PPFIA4: variants seen among roughly 807,000 people sequenced by gnomAD.
PPFIA4 encodes the protein PPFI scaffold protein A4.
In PPFIA4, 98 loss-of-function variants were observed where a neutral mutation model predicts 145.7. The ratio of observed to expected loss-of-function variants is 0.67; its 90% CI spans 0.57 to 0.80. The LOEUF (loss-of-function observed/expected upper bound fraction) is 0.80. Among genes scored for constraint, PPFIA4 ranks in the 30% least tolerant of loss-of-function variants. PPFIA4 has a pLI of 0.00. For missense variants in PPFIA4, 1,457 were observed against 1,632.7 expected (o/e 0.89, Z 1.85); for synonymous variants, 628 against 649.6 (o/e 0.97, Z 0.51).
intron 1 of PPFIA4, among the ~76,000 whole-genome samples, chr1:203,033,942 C>T (rs561853016): frequency 6.6e-6 from 1 of 152,296 alleles, no homozygotes; most frequent in Non-Finnish European, 1.5e-5. Context: ...TTTGGAGTTC[C>T]CCTTCTTTGA....
rs558908943 is a variant in PPFIA4 at position 203,061,581 on chromosome 1, GC to G, written c.2848-69del. 2.7e-4 allele frequency: 399 copies of G among 1,469,654 alleles called. 2 individuals are homozygous for G. Among genetic ancestry groups the G allele is most frequent in the Middle Eastern group, 2.4e-3 (11 of 4,672 alleles). The allele number at this position is 1,469,654 out of a possible 1,614,324, so 91.0% of individuals were successfully genotyped here. On this transcript the variant is annotated intron_variant, in intron 23 of 29. Transcript: ENST00000295706. ...ATGTCTTTTTCCTCTCCTTGATGGGGCCTAGGGTAGAGCTGATGGGTTTCTT... is the reference window on the plus strand; with the variant it reads ...ATGTCTTTTTCCTCTCCTTGATGGGGCTAGGGTAGAGCTGATGGGTTTCTT...
At chr1:203,049,157 G>C (rs1324844592) in intron 12 of PPFIA4, among the ~76,000 whole-genome samples, 177 bp downstream of exon 12, 3 of 152,210 alleles carry the variant, frequency 2.0e-5, no homozygotes, top group African/African-American at 7.2e-5. Context: ...GTGCATTACT[G>C]CCCACAGGGA....
At chr1:203,049,127 A>C in intron 12 of PPFIA4, 147 bp downstream of exon 12, 178 of 819,820 alleles carry the variant, frequency 2.2e-4, no homozygotes, top group Middle Eastern at 3.4e-4. Context: ...GTGATTTCTC[A>C]CTAGAGCCCA....
chr1:203,054,036 T>G, intron 15 of PPFIA4, 75 bp downstream of exon 15: 1 of 1,468,888 alleles, frequency 6.8e-7, no homozygotes, highest in Non-Finnish European at 9.2e-7. Context: ...AAACCCTATA[T>G]GGGTTTGCCC....
Position 203,055,479 on chromosome 1 carries a change from T to C in PPFIA4, c.1877T>C (p.Ile626Thr), listed in dbSNP as rs765361613. ...TCCACGGAGCTCCGCGCGGAGGAGA[T>C]TGAGACGCGTGTAACCAGTGGCAGC... Reference protein sequence around the residue: ...KESTELRAEEIETRVTSGSME... With the variant: ...KESTELRAEETETRVTSGSME... Residue 626 changes from isoleucine (I) to threonine (T), a missense_variant, in exon 16 of 30, where the codon ATT becomes ACT. Transcript: ENST00000295706. This position sits in a 1 kb window ranked among gnomAD's most constrained non-coding sequence, Gnocchi z 4.8. 3 of 1,613,834 alleles carry C rather than the reference T, an allele frequency of 1.9e-6. No individual in the cohort carries two copies. Among genetic ancestry groups the C allele is most frequent in the African/African-American group, 1.3e-5 (1 of 74,892 alleles).
Position 203,045,440 on chromosome 1 carries a change from G to A in PPFIA4, c.739G>A (p.Glu247Lys). The part of the protein sequence containing the change: ...KQNFELSQAR[E>K]RLVTLTTTVT... ...GAACTTTGAGTTGAGCCAGGCCCGG[G>A]AGCGACTGGTCACCCTAACAACAAC... is the stretch of plus-strand genomic sequence containing the variant. Residue 247 changes from glutamate to lysine, a missense_variant, in exon 7 of 30, where the codon GAG (glutamate) becomes AAG (lysine). Around this residue, in one of 3 missense-constraint regions of PPFIA4, gnomAD observed 463 missense variants for 459.8 expected, o/e 1.01. Coordinates refer to ENST00000295706, the MANE Select transcript of PPFIA4 (RefSeq NM_001304331.2). The A allele has an allele frequency of 6.2e-7, 1 of 1,609,878 alleles. No homozygotes were observed. The highest frequency in any genetic ancestry group is 8.5e-7 in the Non-Finnish European group (1 of 1,178,742).
chr1:203,064,941 G>A lies in PPFIA4; in HGVS notation c.3050+938G>A, dbSNP rs145328175. ...CCTTCTTAACATCCAGCTTCAAGTC[G>A]TGTGGGTGGCTCTTTGAGCCAAGTC... On this transcript the variant is annotated intron_variant, in intron 25 of 29. Transcript: ENST00000295706. 1.1e-4 allele frequency among the ~76,000 whole-genome samples: 17 copies of A among 152,364 alleles called. No individual in the cohort carries two copies. The East Asian group carries it at 1.5e-3, about 14-fold the overall frequency.
Position 203,075,667 on chromosome 1 carries a change from T to C in PPFIA4, c.3484T>C (p.Ser1162Pro). Reference sequence around the variant, plus strand: ...CGGTCGCGGCGGCATGCTCAGCGCTTCCGCGGAGACCCTCCCGGCGGGCTT... The same window carrying C: ...CGGTCGCGGCGGCATGCTCAGCGCTCCCGCGGAGACCCTCCCGGCGGGCTT... Reference protein sequence around the residue: ...HHGRGGMLSASAETLPAGFRV... With the variant: ...HHGRGGMLSAPAETLPAGFRV... The change falls in exon 29 of 30, where the codon TCC becomes CCC. Residue 1162 changes from serine to proline, a missense_variant. Around this residue, in one of 3 missense-constraint regions of PPFIA4, gnomAD observed 146 missense variants for 126.2 expected, o/e 1.16. Transcript: ENST00000295706. The surrounding 1 kb of genome is among the most constrained non-coding windows in gnomAD (Gnocchi z 4.1). The C allele has an allele frequency of 6.6e-7, 1 of 1,506,632 alleles. No individual in the cohort carries two copies. Among genetic ancestry groups the C allele is most frequent in the Non-Finnish European group, 8.9e-7 (1 of 1,125,972 alleles). 93.3% of individuals were successfully genotyped at this position (1,506,632 alleles called of 1,614,324 possible). A position where few individuals can be genotyped will look rare whatever the true frequency, so the allele number is the denominator to read the frequency against.
rs756751057 is a variant in PPFIA4, at chr1:203,053,935, G to C, written c.1803G>C (p.Gln601His). ...CCCTGGCCATGATGCTGCAGGAGCA[G>C]CTGGATGCCATCAATGAGGAAATCA... ...AQTLAMMLQE[Q>H]LDAINEEIRM... Residue 601 changes from glutamine (Q) to histidine (H), a missense_variant, in exon 15 of 30, where the codon CAG becomes CAC. This residue lies in a region of PPFIA4 where 848 missense variants were observed against 1,046.7 expected (regional missense o/e 0.81). Coordinates refer to ENST00000295706, the MANE Select transcript of PPFIA4 (RefSeq NM_001304331.2). 1.9e-6 allele frequency: 3 copies of C among 1,566,572 alleles called. No individual in the cohort carries two copies. Among genetic ancestry groups the C allele is most frequent in the Non-Finnish European group, 2.6e-6 (3 of 1,155,350 alleles).
chr1:203,059,833 T>C lies in PPFIA4; in HGVS notation c.2565T>C (p.Thr855=). 1.2e-6 allele frequency: 2 copies of C among 1,612,214 alleles called. No homozygotes were observed. Among genetic ancestry groups the C allele is most frequent in the Non-Finnish European group, 1.7e-6 (2 of 1,179,108 alleles). ...CCTTTGCCCAGTGGGATGGTCCTAC[T>C]GTGGTCTCCTGGTTGGAGGTAAGCC... ...GMPFAQWDGP[T]VVSWLELWVG... The change falls in exon 21 of 30, where the codon ACT becomes ACC. Residue 855 remains threonine (T), a synonymous_variant. Transcript: ENST00000295706.
chr1:203,032,430 T>TTGTTGTTGTTGTTGTTG (rs1571653652), intron 1 of PPFIA4, among the ~76,000 whole-genome samples: 13 of 139,448 alleles, frequency 9.3e-5, no homozygotes, highest in African/African-American at 3.2e-4. Flanking sequence ...TCCCCGCTTT[T>TTGTTGTTGTTGTTGTTG]TTGTTGTTGT....
In PPFIA4 at chr1:203,039,064, G is replaced by A. The variant is rs1292318200; in HGVS notation, c.56G>A (p.Gly19Asp). Residue 19 changes from glycine (G) to aspartate (D), a missense_variant, in exon 2 of 30, where the codon GGC becomes GAC. Physicochemically the swap from Gly to Asp is moderately conservative, Grantham distance 94 (BLOSUM62 -1). Transcript: ENST00000295706. ...NEGDRLGPPH[G>D]ADADANFEQL... ...GGGGACCGCCTGGGTCCCCCTCATGGCGCCGATGCTGACGCCAACTTCGAG... is the reference window on the plus strand; with the variant it reads ...GGGGACCGCCTGGGTCCCCCTCATGACGCCGATGCTGACGCCAACTTCGAG... 1.9e-6 allele frequency: 3 copies of A among 1,602,542 alleles called. No individual in the cohort carries two copies. The highest frequency in any genetic ancestry group is 1.1e-5 in the South Asian group (1 of 89,408).
chr1:203,051,298 G>A (rs993736445), intron 13 of PPFIA4: 3 of 986,898 alleles, frequency 3.0e-6, no homozygotes, highest in Non-Finnish European at 3.6e-6. Flanking sequence ...GGGGAGACCC[G>A]AGGAAAAGTG....
chr1:203,044,277 C>A, intron 4 of PPFIA4, 102 bp from the exon 5 acceptor site: 1 of 1,240,476 alleles, frequency 8.1e-7, no homozygotes, highest in Non-Finnish European at 1.1e-6. Flanking sequence ...GTAGGCCCTT[C>A]ACTGTCCTCA....
At chr1:203,031,212 C>G (rs1354547151) in intron 1 of PPFIA4, among the ~76,000 whole-genome samples, 2 of 152,152 alleles carry the variant, frequency 1.3e-5, no homozygotes, top group African/African-American at 4.8e-5. Flanking sequence ...TGCATGCCAC[C>G]ATGCCCAGCT....
At chr1:203,041,743 TTGG>T (rs1445017640) in intron 2 of PPFIA4, among the ~76,000 whole-genome samples, 1 of 152,026 alleles carries the variant, frequency 6.6e-6, no homozygotes, top group Admixed American at 6.6e-5. Context: ...CACCAGCCTT[TTGG>T]TGGTGGTGTC....
In PPFIA4 at chr1:203,076,405, G is replaced by A. The variant is rs192426065; in HGVS notation, c.*15G>A. ...TCCGGGACTAGCCATGGCCCCCAGGGCTGGCTTCCTCCTTCTGGGTTTCAC... is the reference window on the plus strand; with the variant it reads ...TCCGGGACTAGCCATGGCCCCCAGGACTGGCTTCCTCCTTCTGGGTTTCAC... On this transcript the variant is annotated 3_prime_UTR_variant, in exon 30 of 30. Transcript: ENST00000295706. 25 of 1,607,654 alleles carry A rather than the reference G, an allele frequency of 1.6e-5. No homozygotes were observed. In the Admixed American group the frequency reaches 3.0e-4, roughly 19 times the overall value.
intron 28 of PPFIA4, among the ~76,000 whole-genome samples, chr1:203,071,978 A>T (rs143631417): frequency 3.3e-5 from 5 of 151,152 alleles, no homozygotes; most frequent in African/African-American, 1.2e-4. Context: ...TCTCTGTGAA[A>T]CTCCTGTGCA....
chr1:203,066,327 A>G (rs1661727601), intron 25 of PPFIA4, among the ~76,000 whole-genome samples: 1 of 152,234 alleles, frequency 6.6e-6, no homozygotes, highest in Non-Finnish European at 1.5e-5. Flanking sequence ...TTCTAGGCAG[A>G]AGAGCCTCCT....
Sources: gnomAD v4.1 joint callset for allele counts (sites outside exome capture counted in the v4.1 genomes callset) on GRCh38, gnomAD v4.1.1 for gene constraint, gnomAD v4.1.1 regional missense constraint, Gnocchi (gnomAD v3.1) non-coding constraint, MANE v1.5 for transcripts, NCBI Gene and HGNC (gene_info 2026-07-23, HGNC 2026-07-21) for gene names.